Variants in GNA12 observed in about 807,000 individuals in gnomAD.
GNA12 encodes the protein guanine nucleotide-binding protein subunit alpha-12.
Under a neutral mutation model 26.0 loss-of-function variants are expected in GNA12, and 9 were observed. The observed-to-expected ratio is 0.35, with a 90% CI of 0.21 to 0.60. The LOEUF (loss-of-function observed/expected upper bound fraction) is 0.60, where lower values mean the gene tolerates loss of function less well. Among genes scored for constraint, GNA12 ranks in the 20% least tolerant of loss-of-function variants. GNA12 has a pLI of 0.78. For missense variants in GNA12, 405 were observed against 525.8 expected, an observed-to-expected ratio of 0.77 and a Z score of 2.25; for synonymous variants, 264 against 219.6, an observed-to-expected ratio of 1.20 and a Z score of -1.79.
chr7:2,827,658 G>A (rs1378685872), intron 1 of GNA12, among the ~76,000 whole-genome samples: 1 of 152,118 alleles, frequency 6.6e-6, no homozygotes, highest in African/African-American at 2.4e-5. Flanking sequence ...AGTGACACCA[G>A]GACATGACTT....
Position 2,731,046 on chromosome 7 carries a change from G to C in GNA12, c.*135C>G. The C allele has an allele frequency of 1.6e-6, 1 of 611,236 alleles. No individual in the cohort carries two copies. The highest frequency in any genetic ancestry group is 2.1e-5 in the South Asian group (1 of 47,554). The allele number at this position is 611,236 out of a possible 1,614,324, so 37.9% of individuals were successfully genotyped here. A position where few individuals can be genotyped will look rare whatever the true frequency, so the allele number is the denominator to read the frequency against. ...AGCTCGCTGGCTGGCTGGTCTGACA[G>C]CATTCCTGAGCCAGGTATTCCAGGG... On this transcript the variant is annotated 3_prime_UTR_variant, in exon 4 of 4. Coordinates refer to ENST00000275364, the MANE Select transcript of GNA12 (RefSeq NM_007353.3). The surrounding 1 kb of genome is among the most constrained non-coding windows in gnomAD (Gnocchi z 6.0).
intron 1 of GNA12, among the ~76,000 whole-genome samples, chr7:2,797,681 C>A (rs1050529005): frequency 1.3e-5 from 2 of 152,138 alleles, no homozygotes; most frequent in African/African-American, 4.8e-5. Context: ...CTGAGTCAGA[C>A]GTAATGATGA....
chr7:2,730,993 G>C lies in GNA12; in HGVS notation c.*188C>G, dbSNP rs567959658. ...TCGCCCCCAGGATTCAGTAGCTAAC[G>C]TGACAGTTTCCATGTCCTTTTGCCT... On this transcript the variant is annotated 3_prime_UTR_variant, in exon 4 of 4. Coordinates refer to ENST00000275364, the MANE Select transcript of GNA12 (RefSeq NM_007353.3). 16 of 531,248 alleles carry C rather than the reference G, an allele frequency of 3.0e-5. No homozygotes were observed. Among genetic ancestry groups the C allele is most frequent in the Non-Finnish European group, 4.7e-5 (14 of 296,916 alleles). 32.9% of individuals were successfully genotyped at this position (531,248 alleles called of 1,614,324 possible).
chr7:2,838,218 G>A (rs1216348085), intron 1 of GNA12, among the ~76,000 whole-genome samples: 4 of 149,558 alleles, frequency 2.7e-5, no homozygotes, highest in Admixed American at 2.0e-4. Context: ...ACTGGGATAA[G>A]TTACATATGT....
intron 1 of GNA12, chr7:2,835,622 TG>T: frequency 9.4e-6 from 7 of 744,518 alleles, no homozygotes; most frequent in Non-Finnish European, 1.7e-5. Context: ...AGTCCCGAGA[TG>T]GTGGCCACCA....
intron 1 of GNA12, among the ~76,000 whole-genome samples, chr7:2,797,990 C>G (rs1341276749): frequency 6.6e-6 from 1 of 152,154 alleles, no homozygotes; most frequent in Non-Finnish European, 1.5e-5. Flanking sequence ...CAGAGAAATG[C>G]TTCAACTTGA....
rs1789888890 is a variant in GNA12 at position 2,731,421 on chromosome 7, C to T, written c.906G>A (p.Val302=). The change falls in exon 4 of 4, where the codon GTG becomes GTA. Residue 302 remains valine (V), a synonymous_variant. Coordinates refer to ENST00000275364, the MANE Select transcript of GNA12 (RefSeq NM_007353.3). This position sits in a 1 kb window ranked among gnomAD's most constrained non-coding sequence, Gnocchi z 6.0. ...ILFLNKMDLL[V]EKVKTVSIKK... is the part of the protein sequence containing the mutation. ...TGATGCTCACGGTCTTCACCTTCTC[C>T]ACCAGGAGGTCCATCTTGTTGAGGA... 6.2e-7 allele frequency: 1 copy of T among 1,613,364 alleles called. No homozygotes were observed. Among genetic ancestry groups the T allele is most frequent in the Admixed American group, 1.7e-5 (1 of 59,960 alleles).
intron 2 of GNA12, among the ~76,000 whole-genome samples, chr7:2,788,320 G>C (rs1792418460): frequency 6.6e-6 from 1 of 152,110 alleles, no homozygotes; most frequent in South Asian, 2.1e-4. Context: ...TTGTCGCTGT[G>C]GCCAGGTAAC....
chr7:2,835,788 T>C, intron 1 of GNA12: 1 of 696,946 alleles, frequency 1.4e-6, no homozygotes, highest in Non-Finnish European at 2.7e-6. Context: ...CTCGTGACGG[T>C]ACCATGCTTG....
rs798531 is a variant in GNA12, at chr7:2,730,433, G to C, written c.*748C>G. The C allele has an allele frequency of 0.41, 61,934 of 152,330 alleles. 12,853 individuals carry two copies. The highest frequency in any genetic ancestry group is 0.47 in the Admixed American group (7,161 of 15,278). 9.4% of individuals were successfully genotyped at this position (152,330 alleles called of 1,614,324 possible). ...CACTCCGTGTTGTGCTGCTGGGCAT[G>C]GGGCAGGGTGGGAAGGGCTGAGCCT... On this transcript the variant is annotated 3_prime_UTR_variant, in exon 4 of 4. Transcript: ENST00000275364.
chr7:2,755,841 A>T (rs1791267591), intron 2 of GNA12, among the ~76,000 whole-genome samples: 1 of 152,230 alleles, frequency 6.6e-6, no homozygotes, highest in Non-Finnish European at 1.5e-5. Flanking sequence ...AAATAATTGG[A>T]GAGTTATGTC....
intron 1 of GNA12, among the ~76,000 whole-genome samples, chr7:2,795,632 AAAAAAAAAGAAAAG>A (rs1792646487): frequency 6.6e-6 from 1 of 151,328 alleles, no homozygotes. Context: ...TGTTTCAAAA[AAAAAAAAAGAAAAG>A]AAAAAAGAAA....
At chr7:2,821,433 C>T (rs1160294862) in intron 1 of GNA12, among the ~76,000 whole-genome samples, 2 of 152,206 alleles carry the variant, frequency 1.3e-5, no homozygotes, top group Admixed American at 6.5e-5. Context: ...AGAGAAATCA[C>T]GGCCAGGTGT....
Position 2,728,203 on chromosome 7 carries a change from C to T in GNA12, c.*2978G>A, listed in dbSNP as rs1789706560. The T allele has an allele frequency of 6.6e-6, 1 of 152,326 alleles. No individual in the cohort carries two copies. Among genetic ancestry groups the T allele is most frequent in the Non-Finnish European group, 1.5e-5 (1 of 68,034 alleles). The allele number at this position is 152,326 out of a possible 1,614,324, so 9.4% of individuals were successfully genotyped here. ...GCCAGACCCTCCCAATGTTAATACA[C>T]TGTGCAAAGCTTACACCATGAACAA... On this transcript the variant is annotated 3_prime_UTR_variant, in exon 4 of 4. Coordinates refer to ENST00000275364, the MANE Select transcript of GNA12 (RefSeq NM_007353.3).
At chr7:2,795,467 C>CA (rs937109506) in intron 1 of GNA12, among the ~76,000 whole-genome samples, 7 of 151,728 alleles carry the variant, frequency 4.6e-5, no homozygotes, top group South Asian at 2.1e-4. Context: ...CCTGCTTCTA[C>CA]AAAAAATTAA....
intron 1 of GNA12, among the ~76,000 whole-genome samples, chr7:2,835,373 G>C (rs1388590194): frequency 6.6e-6 from 1 of 152,202 alleles, no homozygotes; most frequent in Non-Finnish European, 1.5e-5. Context: ...GAATAAACTA[G>C]GCTGTTCCCC....
rs1362674301 is a variant in GNA12, at chr7:2,795,161, GAA to G, written c.310-20_310-19del. 2.5e-6 allele frequency: 4 copies of G among 1,588,654 alleles called. No homozygotes were observed. Among genetic ancestry groups the G allele is most frequent in the Admixed American group, 1.7e-5 (1 of 59,724 alleles). On this transcript the variant is annotated intron_variant, in intron 1 of 3. Coordinates refer to ENST00000275364, the MANE Select transcript of GNA12 (RefSeq NM_007353.3). The stretch of plus-strand genomic sequence containing the variant: ...CTTGAGCCCTAGAAAATAAAAGAAA[GAA>G]GAGAGGATTTAATTGCATTCCAAAG...
chr7:2,809,501 C>T (rs893886856), intron 1 of GNA12, among the ~76,000 whole-genome samples: 1 of 151,978 alleles, frequency 6.6e-6, no homozygotes, highest in Non-Finnish European at 1.5e-5. Context: ...TAAATATTGC[C>T]CCATACTTTA....
chr7:2,762,430 G>A, intron 2 of GNA12: 1 of 495,718 alleles, frequency 2.0e-6, no homozygotes, highest in Non-Finnish European at 3.5e-6. Flanking sequence ...ACTTGGCCAA[G>A]GGCAAAAACG....
Sources: gnomAD v4.1 joint callset for allele counts (sites outside exome capture counted in the v4.1 genomes callset) on GRCh38, gnomAD v4.1.1 for gene constraint, Gnocchi (gnomAD v3.1) non-coding constraint, MANE v1.5 for transcripts, NCBI Gene and HGNC (gene_info 2026-07-23, HGNC 2026-07-21) for gene names.